The following AKAP9 variants were observed in gnomAD, a reference collection of about 807,000 sequenced individuals.
The protein encoded by AKAP9 is A-kinase anchoring protein 9.
A neutral mutation model predicts 488.5 loss-of-function variants in AKAP9; 311 were observed. The observed-to-expected ratio is 0.64, with a 90% confidence interval of 0.58 to 0.70. The LOEUF is 0.70. AKAP9 is among the 30% of genes least tolerant of loss of function. AKAP9 has a pLI of 0.00. For synonymous variants in AKAP9, 1,462 were observed against 1,483.5 expected (o/e 0.99, Z 0.33); for missense variants, 4,215 against 4,374.5 (o/e 0.96, Z 1.03).
intron 1 of AKAP9, chr7:91,970,425 A>G (rs1446947091): frequency 2.2e-6 from 1 of 452,954 alleles, no homozygotes; most frequent in Non-Finnish European, 4.4e-6. Flanking sequence ...AGTGGGTTGT[A>G]TACCTTTACA....
At chr7:92,056,941 C>T (rs1011924683) in intron 22 of AKAP9, among the ~76,000 whole-genome samples, 1 of 151,874 alleles carries the variant, frequency 6.6e-6, no homozygotes, top group Non-Finnish European at 1.5e-5. Context: ...TATTGAAAAT[C>T]TTTTAATATT....
rs1241305439 is a variant in AKAP9, at chr7:92,003,018, C to T, written c.3101C>T (p.Ser1034Leu). 5 of 1,613,266 alleles carry T rather than the reference C, an allele frequency of 3.1e-6. No homozygotes were observed. Among genetic ancestry groups the T allele is most frequent in the Non-Finnish European group, 4.2e-6 (5 of 1,179,586 alleles). ...VTMTSRGAEGSVSKVNKSFGE... is the reference protein window; with the variant it reads ...VTMTSRGAEGLVSKVNKSFGE... Reference sequence around the variant, plus strand: ...ATGACAAGCAGGGGTGCTGAAGGATCAGTTTCTAAAGTAAATAAAAGTTTT... The same window carrying T: ...ATGACAAGCAGGGGTGCTGAAGGATTAGTTTCTAAAGTAAATAAAAGTTTT... Residue 1034 changes from serine to leucine, a missense_variant, in exon 8 of 50, where the codon TCA becomes TTA. Ser to Leu is a moderately radical substitution (Grantham distance 145). Coordinates refer to ENST00000356239, the MANE Select transcript of AKAP9 (RefSeq NM_005751.5).
intron 7 of AKAP9, among the ~76,000 whole-genome samples, chr7:91,998,853 G>T: frequency 6.6e-6 from 1 of 152,036 alleles, no homozygotes. Flanking sequence ...TTTAATAGGT[G>T]ATGTTTTATT....
At chr7:91,991,762 C>T (rs923604825) in intron 3 of AKAP9, among the ~76,000 whole-genome samples, 1 of 152,204 alleles carries the variant, frequency 6.6e-6, no homozygotes, top group African/African-American at 2.4e-5. Context: ...TGAGCCACCA[C>T]ACCCGACCTA....
intron 1 of AKAP9, among the ~76,000 whole-genome samples, chr7:91,956,584 T>C (rs1793046645): frequency 6.6e-6 from 1 of 152,168 alleles, no homozygotes; most frequent in Non-Finnish European, 1.5e-5. Flanking sequence ...TTTTAGAACC[T>C]AAGGAGTATG....
rs1011540903 is a variant in AKAP9, at chr7:92,051,159, A to G, written c.5369-1567A>G. 1.3e-4 allele frequency among the ~76,000 whole-genome samples: 20 copies of G among 152,334 alleles called. 1 individual carries two copies. The highest frequency in any genetic ancestry group is 3.8e-4 in the African/African-American group (16 of 41,592). On this transcript the variant is annotated intron_variant, in intron 21 of 49. Coordinates refer to ENST00000356239, the MANE Select transcript of AKAP9 (RefSeq NM_005751.5). ...CTTGAATCCAGCTTACTTTCCAGCT[A>G]CCTTCTTTTAGCTCTCTCACCTACC...
intron 28 of AKAP9, among the ~76,000 whole-genome samples, chr7:92,073,584 A>C (rs1048547302): frequency 2.0e-5 from 3 of 152,184 alleles, no homozygotes; most frequent in Non-Finnish European, 4.4e-5. Flanking sequence ...AACAAGATTA[A>C]AACAAATATT....
chr7:92,053,739 A>G (rs1173770487), intron 22 of AKAP9, among the ~76,000 whole-genome samples: 1 of 152,040 alleles, frequency 6.6e-6, no homozygotes, highest in Non-Finnish European at 1.5e-5. Flanking sequence ...TAGAGCAGTA[A>G]CCCTATGGCA....
At chr7:92,014,429 A>C (rs1584120697) in intron 10 of AKAP9, 101 bp downstream of exon 10, 1 of 844,242 alleles carries the variant, frequency 1.2e-6, no homozygotes, top group Non-Finnish European at 2.0e-6. Flanking sequence ...TGAGTTCGAG[A>C]CCAGCCTGGC....
chr7:92,033,208 A>T lies in AKAP9; in HGVS notation c.4338+1604A>T, dbSNP rs190078863. Among the ~76,000 whole-genome samples the T allele has an allele frequency of 4.6e-5, 7 of 152,276 alleles. No individual in the cohort carries two copies. The East Asian group carries it at 1.4e-3, about 29-fold the overall frequency. ...AAAGTACTGGTCAGTGATGTAACAG[A>T]CCTGCACGTTGTGCACATGTACCCT... is the stretch of plus-strand genomic sequence containing the variant. On this transcript the variant is annotated intron_variant, in intron 16 of 49. Coordinates refer to ENST00000356239, the MANE Select transcript of AKAP9 (RefSeq NM_005751.5).
intron 38 of AKAP9, chr7:92,090,126 C>A (rs1386432839): frequency 6.6e-6 from 1 of 152,178 alleles, no homozygotes; most frequent in Non-Finnish European, 1.5e-5. Flanking sequence ...ATTTAAGTTT[C>A]AAGTTTTTTT....
At chr7:92,098,086 G>T in intron 42 of AKAP9, 23 bp from the exon 43 acceptor site, 2 of 1,507,552 alleles carry the variant, frequency 1.3e-6, no homozygotes, top group South Asian at 2.3e-5. Flanking sequence ...GGTATGTTTT[G>T]ACTTTTTGTC....
chr7:92,105,379 T>C (rs1818348589), intron 46 of AKAP9, among the ~76,000 whole-genome samples: 1 of 152,180 alleles, frequency 6.6e-6, no homozygotes, highest in Non-Finnish European at 1.5e-5. Context: ...TATCTGCTTT[T>C]CCCATCTACT....
chr7:92,040,218 T>A (rs994985452), intron 17 of AKAP9, among the ~76,000 whole-genome samples: 5 of 152,170 alleles, frequency 3.3e-5, no homozygotes, highest in Non-Finnish European at 7.4e-5. Context: ...TATCAGTAGT[T>A]CTCTGTAGTA....
intron 21 of AKAP9, among the ~76,000 whole-genome samples, chr7:92,051,017 A>G (rs1447541319): frequency 6.6e-6 from 1 of 151,990 alleles, no homozygotes; most frequent in Non-Finnish European, 1.5e-5. Flanking sequence ...CATTGCTACA[A>G]TTTGCTTCCT....
At chr7:92,045,290 A>G in intron 21 of AKAP9, 77 bp downstream of exon 21, 4 of 1,380,648 alleles carry the variant, frequency 2.9e-6, no homozygotes, top group Middle Eastern at 3.6e-4. Flanking sequence ...ATGTGTTGAA[A>G]ATATAGAAGA....
chr7:91,950,813 A>T (rs906641181), intron 1 of AKAP9, among the ~76,000 whole-genome samples: 2 of 152,196 alleles, frequency 1.3e-5, no homozygotes, highest in Non-Finnish European at 2.9e-5. Context: ...CTGCATTAGG[A>T]AATATCTACT....
intron 11 of AKAP9, among the ~76,000 whole-genome samples, chr7:92,016,714 C>G (rs1022226940): frequency 6.6e-6 from 1 of 152,004 alleles, no homozygotes; most frequent in Non-Finnish European, 1.5e-5. Flanking sequence ...GTAACATCAC[C>G]ACTTTTTTGA....
intron 9 of AKAP9, among the ~76,000 whole-genome samples, chr7:92,013,893 AGT>A (rs1584117875): frequency 6.6e-6 from 1 of 150,914 alleles, no homozygotes; most frequent in Non-Finnish European, 1.5e-5. Context: ...AAAAAAACAA[AGT>A]AGAACAGAAG....
Sources: gnomAD v4.1 joint callset for allele counts (sites outside exome capture counted in the v4.1 genomes callset) on GRCh38, gnomAD v4.1.1 for gene constraint, MANE v1.5 for transcripts, NCBI Gene and HGNC (gene_info 2026-07-23, HGNC 2026-07-21) for gene names.